RCAN2: variants seen among roughly 807,000 people sequenced by gnomAD.
The protein encoded by RCAN2 is calcipressin-2.
Under a neutral mutation model 23.6 loss-of-function variants are expected in RCAN2, and 9 were observed. That is an observed-to-expected ratio of 0.38 (90% confidence interval 0.23 to 0.67). The LOEUF is 0.67. RCAN2 is among the 30% of genes least tolerant of loss of function. RCAN2 has a pLI of 0.51. For missense variants in RCAN2, 273 were observed against 302.3 expected (o/e 0.90, Z 0.72); for synonymous variants, 109 against 115.7 (o/e 0.94, Z 0.37).
chr6:46,284,283 C>T (rs1483778611), intron 2 of RCAN2, among the ~76,000 whole-genome samples: 2 of 152,146 alleles, frequency 1.3e-5, no homozygotes, highest in African/African-American at 4.8e-5. Flanking sequence ...TATTTAGTCT[C>T]GGCAGAGTGG....
chr6:46,320,989 G>T (rs952442532), intron 2 of RCAN2, among the ~76,000 whole-genome samples: 2 of 152,158 alleles, frequency 1.3e-5, no homozygotes, highest in African/African-American at 4.8e-5. Context: ...TGCTGGTGGG[G>T]GGACTAGGTA....
At chr6:46,426,813 T>C (rs1767045251) in intron 2 of RCAN2, among the ~76,000 whole-genome samples, 1 of 152,126 alleles carries the variant, frequency 6.6e-6, no homozygotes, top group Admixed American at 6.5e-5. Context: ...GAGAGAAGCA[T>C]GGAGTGTTTA....
chr6:46,468,760 C>A (rs1768466109), intron 1 of RCAN2: 1 of 964,320 alleles, frequency 1.0e-6, no homozygotes, highest in East Asian at 1.1e-4. Context: ...TCTCCCCACT[C>A]TTTCTCTCTC....
At position 46,221,919 on chromosome 6, in the gene RCAN2, CT is replaced by C. The variant is rs1212445996; in HGVS notation, c.*1221del. The C allele has an allele frequency of 2.5e-6, 1 of 398,460 alleles. No homozygotes were observed. 24.7% of individuals were successfully genotyped at this position (398,460 alleles called of 1,614,324 possible). On this transcript the variant is annotated 3_prime_UTR_variant, in exon 5 of 5. Coordinates refer to ENST00000371374, the MANE Select transcript of RCAN2 (RefSeq NM_001251974.2). ...AATCACACGTAACAAAAACAAATAA[CT>C]TTTTTGAGCACACGGGTGTCGCGTG...
intron 2 of RCAN2, among the ~76,000 whole-genome samples, chr6:46,249,230 C>T (rs1466757683): frequency 6.6e-6 from 1 of 151,634 alleles, no homozygotes; most frequent in African/African-American, 2.4e-5. Flanking sequence ...TTCATTATCT[C>T]CAAAATACTG....
At chr6:46,395,706 C>T (rs546149043) in intron 2 of RCAN2, among the ~76,000 whole-genome samples, 102 of 152,298 alleles carry the variant, frequency 6.7e-4, no homozygotes, top group African/African-American at 2.3e-3. Context: ...CTCATGTTAT[C>T]CCTTCTCTAC....
intron 2 of RCAN2, among the ~76,000 whole-genome samples, chr6:46,265,897 G>A (rs1471749067): frequency 1.3e-5 from 2 of 152,152 alleles, no homozygotes; most frequent in African/African-American, 4.8e-5. Flanking sequence ...TAGCACATGA[G>A]CATATGGAGA....
At chr6:46,374,707 C>T (rs1342288782) in intron 2 of RCAN2, among the ~76,000 whole-genome samples, 2 of 152,148 alleles carry the variant, frequency 1.3e-5, no homozygotes. Flanking sequence ...ATTCATCAAG[C>T]CTGCCTCTGT....
At chr6:46,244,986 C>T (rs1362680341) in intron 4 of RCAN2, among the ~76,000 whole-genome samples, 1 of 152,190 alleles carries the variant, frequency 6.6e-6, no homozygotes, top group African/African-American at 2.4e-5. Context: ...AAGGGCTTCA[C>T]AAGGCTTCAT....
chr6:46,353,389 G>A (rs1206620462), intron 2 of RCAN2, among the ~76,000 whole-genome samples: 6 of 152,158 alleles, frequency 3.9e-5, no homozygotes, highest in Admixed American at 2.0e-4. Flanking sequence ...TGAGATACCA[G>A]TATCTAGAGA....
intron 2 of RCAN2, among the ~76,000 whole-genome samples, chr6:46,362,755 G>A (rs927864862): frequency 6.6e-6 from 1 of 152,060 alleles, no homozygotes; most frequent in African/African-American, 2.4e-5. Flanking sequence ...TTACTTTGCA[G>A]CAATTCCTTC....
intron 4 of RCAN2, among the ~76,000 whole-genome samples, chr6:46,227,949 T>C (rs1377996187): frequency 1.3e-5 from 2 of 152,216 alleles, no homozygotes; most frequent in Admixed American, 1.3e-4. Flanking sequence ...GCTTTAAATG[T>C]GTCCCAGAGA....
intron 2 of RCAN2, among the ~76,000 whole-genome samples, chr6:46,381,571 G>A (rs758122290): frequency 1.5e-4 from 23 of 152,160 alleles, no homozygotes; most frequent in African/African-American, 4.1e-4. Flanking sequence ...CCTACTAGGC[G>A]TTCTCGTTCC....
intron 2 of RCAN2, among the ~76,000 whole-genome samples, chr6:46,335,362 G>A (rs1764106367): frequency 6.6e-6 from 1 of 152,140 alleles, no homozygotes; most frequent in Non-Finnish European, 1.5e-5. Flanking sequence ...ATTTTAATAT[G>A]CTAGCATTAT....
chr6:46,491,650 A>T (rs988363161), upstream of RCAN2, among the ~76,000 whole-genome samples: 25 of 151,284 alleles, frequency 1.7e-4, no homozygotes, highest in African/African-American at 5.8e-4. Context: ...CCCTGCCCTC[A>T]GCCCCGCACC....
At chr6:46,283,539 T>C (rs575286837) in intron 2 of RCAN2, among the ~76,000 whole-genome samples, 1 of 151,840 alleles carries the variant, frequency 6.6e-6, no homozygotes, top group East Asian at 2.0e-4. Context: ...AAGTGACTTA[T>C]ACCCAGGAAG....
At chr6:46,431,003 A>T (rs934443236) in intron 2 of RCAN2, among the ~76,000 whole-genome samples, 1 of 152,168 alleles carries the variant, frequency 6.6e-6, no homozygotes, top group Non-Finnish European at 1.5e-5. Flanking sequence ...ATAATTAATG[A>T]ATGAAGACAG....
chr6:46,287,891 T>C (rs1461389799), intron 2 of RCAN2, among the ~76,000 whole-genome samples: 1 of 152,252 alleles, frequency 6.6e-6, no homozygotes, highest in Non-Finnish European at 1.5e-5. Context: ...CCTACCTCAC[T>C]GGGTTAGTAC....
chr6:46,324,182 C>T (rs1481185070), intron 2 of RCAN2, among the ~76,000 whole-genome samples: 1 of 152,188 alleles, frequency 6.6e-6, no homozygotes, highest in African/African-American at 2.4e-5. Context: ...CAGACAGTGC[C>T]AAACCTTTAT....
Sources: gnomAD v4.1 joint callset for allele counts (sites outside exome capture counted in the v4.1 genomes callset) on GRCh38, gnomAD v4.1.1 for gene constraint, MANE v1.5 for transcripts, NCBI Gene and HGNC (gene_info 2026-07-23, HGNC 2026-07-21) for gene names.